PFKFB4: variants seen among roughly 807,000 people sequenced by gnomAD.
PFKFB4 encodes 6-phosphofructo-2-kinase/fructose-2,6-bisphosphatase 4.
In PFKFB4, 42 loss-of-function variants were observed where a neutral mutation model predicts 62.8. That is an observed-to-expected ratio of 0.67 (90% confidence interval 0.52 to 0.86). The LOEUF is 0.86. Ranked by LOEUF, PFKFB4 falls within the 40% of genes least tolerant of loss-of-function variation. The pLI is 0.00. For missense variants in PFKFB4, 475 were observed against 627.2 expected, an observed-to-expected ratio of 0.76 and a Z score of 2.59; for synonymous variants, 204 against 240.7, an observed-to-expected ratio of 0.85 and a Z score of 1.41.
chr3:48,544,441 CTTTTTTTT>C (rs34817026), intron 3 of PFKFB4, among the ~76,000 whole-genome samples: 10 of 100,368 alleles, frequency 1.0e-4, no homozygotes, highest in Non-Finnish European at 1.6e-4. Context: ...GTTTTCAGAT[CTTTTTTTT>C]TTTTTTTTTT....
chr3:48,535,311 C>T (rs949346479), intron 9 of PFKFB4, among the ~76,000 whole-genome samples: 1 of 152,156 alleles, frequency 6.6e-6, no homozygotes, highest in African/African-American at 2.4e-5. Flanking sequence ...CCCAGGCTCA[C>T]TCCTGAGAAT....
intron 6 of PFKFB4, 89 bp from the exon 7 acceptor site, chr3:48,538,708 G>A: frequency 1.3e-6 from 2 of 1,563,822 alleles, no homozygotes; most frequent in Non-Finnish European, 1.7e-6. Context: ...CAGGGGGCTG[G>A]AGGAGGTTGC....
At chr3:48,557,255 G>A (rs1026286915), upstream of PFKFB4, among the ~76,000 whole-genome samples, 2 of 152,236 alleles carry the variant, frequency 1.3e-5, no homozygotes, top group Non-Finnish European at 2.9e-5. Flanking sequence ...CCAGGAGGGA[G>A]GGGTTTTCAT....
intron 13 of PFKFB4, 39 bp from the exon 14 acceptor site, chr3:48,519,845 G>T (rs1335569560): frequency 2.6e-6 from 4 of 1,514,004 alleles, no homozygotes; most frequent in Non-Finnish European, 3.7e-6. Context: ...TCCATGGCAG[G>T]AATAGATGAG....
chr3:48,549,816 C>T, intron 3 of PFKFB4, 48 bp downstream of exon 3: 1 of 1,167,762 alleles, frequency 8.6e-7, no homozygotes, highest in Non-Finnish European at 1.3e-6. Context: ...TTTCTCCACA[C>T]TGGGTCCCCC....
rs368170489 is a variant in PFKFB4, at chr3:48,521,943, C to A, written c.1350+43G>T. 10 of 1,550,374 alleles carry A rather than the reference C, an allele frequency of 6.5e-6. No homozygotes were observed. Among genetic ancestry groups the A allele is most frequent in the Non-Finnish European group, 8.0e-6 (9 of 1,121,844 alleles). Reference sequence around the variant, plus strand: ...AGGATGTGCAGTCTGGACACCCCCACATCAGGAACACCCCGCTACCCCAGC... The same window carrying A: ...AGGATGTGCAGTCTGGACACCCCCAAATCAGGAACACCCCGCTACCCCAGC... On this transcript the variant is annotated intron_variant, in intron 13 of 13. Coordinates refer to ENST00000232375, the MANE Select transcript of PFKFB4 (RefSeq NM_004567.4). The surrounding 1 kb of genome is among the most constrained non-coding windows in gnomAD (Gnocchi z 5.3).
At chr3:48,527,392 C>T (rs538252976) in intron 9 of PFKFB4, among the ~76,000 whole-genome samples, 21 of 151,592 alleles carry the variant, frequency 1.4e-4, no homozygotes, top group Non-Finnish European at 2.8e-4. Flanking sequence ...GTGATCCTCC[C>T]ACCTCAGCCT....
At chr3:48,543,667 G>A (rs1410843811) in intron 3 of PFKFB4, 21 bp from the exon 4 acceptor site, 3 of 1,602,026 alleles carry the variant, frequency 1.9e-6, no homozygotes, top group Non-Finnish European at 2.6e-6. Flanking sequence ...GAAAACACAG[G>A]GTCAGCCCAG....
chr3:48,531,270 G>C lies in PFKFB4; in HGVS notation c.987+4242C>G, dbSNP rs1002890856. Among the ~76,000 whole-genome samples the C allele has an allele frequency of 2.0e-5, 3 of 151,600 alleles. No individual in the cohort carries two copies. In the East Asian group the frequency reaches 5.9e-4, roughly 30 times the overall value. On this transcript the variant is annotated intron_variant, in intron 9 of 13. Coordinates refer to ENST00000232375, the MANE Select transcript of PFKFB4 (RefSeq NM_004567.4). ...AATACCAGCAATTTGGGAGGCCGAG[G>C]TGGGATCACCTGAGGTCAGGAGTTC...
intron 7 of PFKFB4, 113 bp downstream of exon 7, chr3:48,538,385 A>G: frequency 7.5e-7 from 1 of 1,328,548 alleles, no homozygotes; most frequent in Non-Finnish European, 1.0e-6. Context: ...AGGTCAGACC[A>G]TCTCTGCTTT....
chr3:48,523,933 T>G, intron 10 of PFKFB4, 103 bp from the exon 11 acceptor site: 2 of 1,314,640 alleles, frequency 1.5e-6, no homozygotes, highest in Non-Finnish European at 2.1e-6. Flanking sequence ...CTACTCACCA[T>G]TCTGGGAAGC....
chr3:48,523,882 C>A, intron 10 of PFKFB4, 52 bp from the exon 11 acceptor site: 1 of 1,581,390 alleles, frequency 6.3e-7, no homozygotes. Context: ...GGGGGAGGGA[C>A]AGACACATCC....
At position 48,556,627 on chromosome 3, in the gene PFKFB4, CTA is replaced by C; in HGVS notation, c.97+52_97+53del. The C allele has an allele frequency of 1.3e-6, 2 of 1,548,308 alleles. No individual in the cohort carries two copies. Among genetic ancestry groups the C allele is most frequent in the African/African-American group, 1.4e-5 (1 of 72,922 alleles). On this transcript the variant is annotated intron_variant, in intron 1 of 13. Transcript: ENST00000232375. The surrounding 1 kb of genome is among the most constrained non-coding windows in gnomAD (Gnocchi z 5.7). ...ATGCGAGACCCCCGCCCAGGCCGCC[CTA>C]CCCACCCATCCCGGTGCACCTCCCA...
intron 4 of PFKFB4, among the ~76,000 whole-genome samples, 194 bp from the exon 5 acceptor site, chr3:48,539,965 T>G (rs1176214096): frequency 6.6e-6 from 1 of 152,156 alleles, no homozygotes; most frequent in Non-Finnish European, 1.5e-5. Context: ...GGCCCTCCCC[T>G]TCCTTGGAGA....
chr3:48,518,804 T>C lies in PFKFB4; in HGVS notation c.*943A>G, dbSNP rs1167507019. 6.6e-6 allele frequency: 1 copy of C among 152,174 alleles called. No individual in the cohort carries two copies. The highest frequency in any genetic ancestry group is 1.5e-5 in the Non-Finnish European group (1 of 68,012). The allele number at this position is 152,174 out of a possible 1,614,324, so 9.4% of individuals were successfully genotyped here. A position where few individuals can be genotyped will look rare whatever the true frequency, so the allele number is the denominator to read the frequency against. Reference sequence around the variant, plus strand: ...TGCATGTTTCTGCCACCAGTGTACATTCCTGTGTGGACACGGGCAGCAACA... The same window carrying C: ...TGCATGTTTCTGCCACCAGTGTACACTCCTGTGTGGACACGGGCAGCAACA... On this transcript the variant is annotated 3_prime_UTR_variant, in exon 14 of 14. Coordinates refer to ENST00000232375, the MANE Select transcript of PFKFB4 (RefSeq NM_004567.4).
chr3:48,542,066 G>C (rs75751416), intron 4 of PFKFB4, among the ~76,000 whole-genome samples: 2 of 152,218 alleles, frequency 1.3e-5, no homozygotes, highest in African/African-American at 2.4e-5. Flanking sequence ...AAAGAGAAAG[G>C]CTGGGCGTGG....
intron 1 of PFKFB4, among the ~76,000 whole-genome samples, chr3:48,555,572 G>A (rs2043287324): frequency 6.6e-6 from 1 of 152,178 alleles, no homozygotes; most frequent in African/African-American, 2.4e-5. Context: ...CAATGTTTCA[G>A]TTACTCCTAA....
chr3:48,550,376 C>T, intron 1 of PFKFB4, 142 bp from the exon 2 acceptor site: 1 of 640,646 alleles, frequency 1.6e-6, no homozygotes, highest in Non-Finnish European at 2.8e-6. Context: ...CCCCACACAG[C>T]TCCTGGAGTG....
chr3:48,541,062 ACTGTGC>A, intron 4 of PFKFB4, among the ~76,000 whole-genome samples: 1 of 146,708 alleles, frequency 6.8e-6, no homozygotes, highest in East Asian at 2.0e-4. Flanking sequence ...GGGGTGAGCC[ACTGTGC>A]CCAACCACAT....
Sources: allele counts gnomAD v4.1 joint callset (sites outside exome capture counted in the v4.1 genomes callset), GRCh38; gene constraint gnomAD v4.1.1; non-coding constraint Gnocchi (gnomAD v3.1); transcripts MANE v1.5; gene names NCBI Gene and HGNC (gene_info 2026-07-23, HGNC 2026-07-21).